Variants in MBTD1 observed in about 807,000 individuals in gnomAD.
MBTD1 encodes the protein mbt domain containing 1, also known as MBT domain-containing protein 1.
Under a neutral mutation model 87.8 loss-of-function variants are expected in MBTD1, and 24 were observed. The observed-to-expected ratio is 0.27, with a 90% CI of 0.20 to 0.38. The LOEUF (loss-of-function observed/expected upper bound fraction) is 0.38. Among genes scored for constraint, MBTD1 ranks in the 10% least tolerant of loss-of-function variants. The pLI is 1.00. For synonymous variants in MBTD1, 237 were observed against 248.6 expected, an observed-to-expected ratio of 0.95 and a Z score of 0.44; for missense variants, 436 against 760.2, an observed-to-expected ratio of 0.57 and a Z score of 5.02.
At chr17:51,260,733 C>T, upstream of MBTD1, 6 of 1,591,182 alleles carry the variant, frequency 3.8e-6, no homozygotes, top group Middle Eastern at 1.8e-4. Flanking sequence ...CAGCGGAAAC[C>T]GCCGGCCCGG....
chr17:51,197,038 C>T (rs2051152401), intron 12 of MBTD1, among the ~76,000 whole-genome samples: 1 of 103,150 alleles, frequency 9.7e-6, no homozygotes, highest in Non-Finnish European at 2.1e-5. Flanking sequence ...ATTATATATA[C>T]AAGATATATA....
intron 2 of MBTD1, among the ~76,000 whole-genome samples, chr17:51,235,138 A>AT (rs71149357): frequency 0.39 from 59,456 of 150,844 alleles, 13,096 homozygotes; most frequent in East Asian, 0.6. Context: ...ATAGGATGCA[A>AT]TTTTTTTTTT....
intron 16 of MBTD1, chr17:51,191,557 C>A (rs560621037): frequency 6.6e-6 from 1 of 151,518 alleles, no homozygotes; most frequent in East Asian, 1.9e-4. Context: ...GGCTTCACAT[C>A]TACTGTAAGC....
Position 51,178,129 on chromosome 17 carries a change from TCAG to T in MBTD1, c.*2444_*2446del, listed in dbSNP as rs2050166406. On this transcript the variant is annotated 3_prime_UTR_variant, in exon 17 of 17. Transcript: ENST00000586178. ...AAACAAAACAAAAACAAACCCAAGG[TCAG>T]CAGTACATTTTGAACCGTAAAAGAG... is the stretch of plus-strand genomic sequence containing the variant. 1 of 152,112 alleles carries T rather than the reference TCAG, an allele frequency of 6.6e-6. No individual in the cohort carries two copies. The highest frequency in any genetic ancestry group is 2.4e-5 in the African/African-American group (1 of 41,410). The allele number at this position is 152,112 out of a possible 1,614,324, so 9.4% of individuals were successfully genotyped here.
chr17:51,220,297 T>C (rs1015218718), intron 4 of MBTD1, 33 bp downstream of exon 4: 2 of 1,514,402 alleles, frequency 1.3e-6, no homozygotes, highest in African/African-American at 1.4e-5. Flanking sequence ...ATAGAAATAA[T>C]GGATATAAGT....
chr17:51,201,490 T>TA (rs1215699709), intron 12 of MBTD1, 102 bp downstream of exon 12: 17 of 671,690 alleles, frequency 2.5e-5, no homozygotes, highest in Non-Finnish European at 4.1e-5. Flanking sequence ...GATATACACA[T>TA]ACACATTTTA....
chr17:51,217,197 A>G, intron 6 of MBTD1, 137 bp downstream of exon 6: 1 of 546,520 alleles, frequency 1.8e-6, no homozygotes, highest in Non-Finnish European at 3.2e-6. Context: ...TATTAAGTAT[A>G]ATAATAAAAG....
chr17:51,195,080 CTGTA>C, intron 13 of MBTD1, 130 bp downstream of exon 13: 1 of 620,530 alleles, frequency 1.6e-6, no homozygotes, highest in South Asian at 3.1e-5. Context: ...CCTACAGCTC[CTGTA>C]TGTATATGTT....
At chr17:51,204,047 AACAG>A in intron 7 of MBTD1, 122 bp from the exon 8 acceptor site, 1 of 759,202 alleles carries the variant, frequency 1.3e-6, no homozygotes, top group Non-Finnish European at 2.1e-6. Flanking sequence ...AGGGTTTGTT[AACAG>A]ACAGATGGCT....
chr17:51,238,753 A>C (rs187401579), intron 2 of MBTD1, among the ~76,000 whole-genome samples: 6 of 152,324 alleles, frequency 3.9e-5, no homozygotes, highest in African/African-American at 1.4e-4. Flanking sequence ...AGCTGTAAAT[A>C]CTATTTATGT....
At chr17:51,194,068 A>C (rs2050945101) in intron 13 of MBTD1, among the ~76,000 whole-genome samples, 1 of 152,176 alleles carries the variant, frequency 6.6e-6, no homozygotes, top group Non-Finnish European at 1.5e-5. Flanking sequence ...TTGCTCTTTC[A>C]ATCCTAGGCT....
Position 51,193,446 on chromosome 17 carries a change from T to G in MBTD1, c.1437A>C (p.Pro479=). 1.2e-6 allele frequency: 2 copies of G among 1,612,186 alleles called. No homozygotes were observed. The highest frequency in any genetic ancestry group is 1.7e-6 in the Non-Finnish European group (2 of 1,179,330). The change falls in exon 14 of 17, where the codon CCA becomes CCC. Residue 479 remains proline (P), a synonymous_variant. Coordinates refer to ENST00000586178, the MANE Select transcript of MBTD1 (RefSeq NM_017643.3). ...YLRETGSIAA[P]VKLFNKDVPN... ...AATTTACCTTATTAAATAGTTTTAC[T>G]GGTGCTGCAATGGAGCCAGTTTCCC...
In MBTD1 at chr17:51,202,063, G is replaced by T. The variant is rs2051522235; in HGVS notation, c.1078C>A (p.Gln360Lys). Residue 360 changes from glutamine to lysine, a missense_variant, in exon 11 of 17, where the codon CAG becomes AAG. By Grantham distance (53) the Gln-to-Lys change is moderately conservative. Around this residue, in one of 5 missense-constraint regions of MBTD1, gnomAD observed 268 missense variants for 401.8 expected, o/e 0.67. Coordinates refer to ENST00000586178, the MANE Select transcript of MBTD1 (RefSeq NM_017643.3). The part of the protein sequence containing the change: ...RFKRSDITKK[Q>K]DGHFDTPPHL... ...GGTGGTGTATCAAAATGTCCATCCTGTTTCTTTGTAATATCTACAAGGAAA... is the reference window on the plus strand; with the variant it reads ...GGTGGTGTATCAAAATGTCCATCCTTTTTCTTTGTAATATCTACAAGGAAA... The T allele has an allele frequency of 1.2e-5, 19 of 1,606,764 alleles. No homozygotes were observed. In the East Asian group the frequency reaches 4.3e-4, roughly 36 times the overall value.
chr17:51,246,482 A>C (rs2054442381), intron 2 of MBTD1, among the ~76,000 whole-genome samples: 1 of 152,116 alleles, frequency 6.6e-6, no homozygotes, highest in Non-Finnish European at 1.5e-5. Context: ...GTATTTTCTT[A>C]ACTGGTTATT....
At chr17:51,222,414 G>GT (rs11386151) in intron 3 of MBTD1, among the ~76,000 whole-genome samples, 9,861 of 151,766 alleles carry the variant, frequency 0.065, 567 homozygotes, top group African/African-American at 0.15. Flanking sequence ...TGTTTTGTTT[G>GT]TTTTTTTTGA....
At chr17:51,227,648 A>C (rs1447427685) in intron 2 of MBTD1, among the ~76,000 whole-genome samples, 2 of 152,114 alleles carry the variant, frequency 1.3e-5, no homozygotes, top group Admixed American at 1.3e-4. Flanking sequence ...TGAAGGGTCT[A>C]ACAGAAAATT....
rs747594658 is a variant in MBTD1, at chr17:51,193,001, C to T, written c.1471G>A (p.Gly491Arg). Residue 491 changes from glycine to arginine, a missense_variant, in exon 15 of 17, where the codon GGA becomes AGA. Transcript: ENST00000586178. ...KLFNKDVPNH[G>R]FRVGMKLEAV... is the part of the protein sequence containing the mutation. ...TCTAATTTCATTCCTACACGAAATC[C>T]GTGATTTGGAACATCCTGACACAGA... 2.4e-5 allele frequency: 39 copies of T among 1,612,180 alleles called. No homozygotes were observed. Among genetic ancestry groups the T allele is most frequent in the East Asian group, 4.5e-5 (2 of 44,844 alleles).
intron 7 of MBTD1, among the ~76,000 whole-genome samples, chr17:51,204,648 G>A (rs1190824000): frequency 6.6e-6 from 1 of 151,810 alleles, no homozygotes; most frequent in Non-Finnish European, 1.5e-5. Flanking sequence ...GATTACAGGC[G>A]TGCGCCACCA....
chr17:51,192,455 T>C, intron 15 of MBTD1, 175 bp from the exon 16 acceptor site: 1 of 625,602 alleles, frequency 1.6e-6, no homozygotes, highest in South Asian at 2.2e-5. Context: ...ACATGAGACA[T>C]TTTCCACTAT....
Sources: gnomAD v4.1 joint callset for allele counts (sites outside exome capture counted in the v4.1 genomes callset) on GRCh38, gnomAD v4.1.1 for gene constraint, gnomAD v4.1.1 regional missense constraint, MANE v1.5 for transcripts, NCBI Gene and HGNC (gene_info 2026-07-23, HGNC 2026-07-21) for gene names.